PPARG: variants seen among roughly 807,000 people sequenced by gnomAD.
PPARG encodes peroxisome proliferator-activated receptor gamma.
PPARG carries 17 observed loss-of-function variants against 39.2 expected under a neutral mutation model. The observed-to-expected ratio is 0.43, with a 90% CI of 0.30 to 0.65. PPARG has a LOEUF of 0.65. PPARG is among the 30% of genes least tolerant of loss of function. The pLI, the probability that PPARG is intolerant of heterozygous loss-of-function variation, is 0.13. For missense variants in PPARG, 406 were observed against 585.9 expected (o/e 0.69, Z 3.17); for synonymous variants, 223 against 215.7 (o/e 1.03, Z -0.30).
chr3:12,418,824 G>A (rs2051164507), intron 7 of PPARG, among the ~76,000 whole-genome samples: 1 of 152,220 alleles, frequency 6.6e-6, no homozygotes, highest in South Asian at 2.1e-4. Context: ...TGCCTAGGGT[G>A]CAAATAGATC....
chr3:12,405,800 G>A, intron 5 of PPARG, 82 bp from the exon 6 acceptor site: 1 of 1,423,770 alleles, frequency 7.0e-7, no homozygotes, highest in Non-Finnish European at 9.8e-7. Context: ...TACTGTGTGG[G>A]AACGAGGGCT....
intron 7 of PPARG, among the ~76,000 whole-genome samples, chr3:12,425,853 A>C (rs971474750): frequency 6.6e-6 from 1 of 152,186 alleles, no homozygotes; most frequent in Admixed American, 6.5e-5. Flanking sequence ...TAGGGACCCA[A>C]GGGCTTTCCG....
At chr3:12,378,483 G>C (rs866370087) in intron 2 of PPARG, among the ~76,000 whole-genome samples, 1 of 152,008 alleles carries the variant, frequency 6.6e-6, no homozygotes, top group Non-Finnish European at 1.5e-5. Context: ...ATATTATTCA[G>C]CCTTAAAAAG....
At chr3:12,328,414 A>G in intron 2 of PPARG, 1 of 621,854 alleles carries the variant, frequency 1.6e-6, no homozygotes, top group South Asian at 1.9e-5. Flanking sequence ...CATTTTCTGC[A>G]TCACCCTGAG....
chr3:12,351,593 A>ATGGGTGAAACTC, intron 2 of PPARG: 1 of 1,601,692 alleles, frequency 6.2e-7, no homozygotes, highest in Non-Finnish European at 8.6e-7. Flanking sequence ...CCATGCTGTT[A>ATGGGTGAAACTC]TGGGTGAAAC....
At chr3:12,425,215 C>T (rs185456770) in intron 7 of PPARG, among the ~76,000 whole-genome samples, 121 of 152,282 alleles carry the variant, frequency 7.9e-4, no homozygotes, top group African/African-American at 2.8e-3. Flanking sequence ...CCGAAGGAGA[C>T]GGGGAATGGC....
At chr3:12,368,556 CTCTAGCCCCAAT>C (rs1440962954) in intron 2 of PPARG, among the ~76,000 whole-genome samples, 1 of 152,172 alleles carries the variant, frequency 6.6e-6, no homozygotes, top group Non-Finnish European at 1.5e-5. Flanking sequence ...AGAATTTAAA[CTCTAGCCCCAAT>C]ACCTATTTAA....
At chr3:12,392,999 G>A (rs1295802580) in intron 5 of PPARG, among the ~76,000 whole-genome samples, 3 of 152,146 alleles carry the variant, frequency 2.0e-5, no homozygotes, top group African/African-American at 7.2e-5. Flanking sequence ...GGGGGATTAT[G>A]GGAAAAACTT....
chr3:12,297,784 C>T (rs1204888286), intron 1 of PPARG: 1 of 152,016 alleles, frequency 6.6e-6, no homozygotes, highest in African/African-American at 2.4e-5. Flanking sequence ...GAGTTACTTT[C>T]TTTTAAAGCC....
chr3:12,360,575 A>C (rs1001967996), intron 2 of PPARG, among the ~76,000 whole-genome samples: 5 of 21,694 alleles, frequency 2.3e-4, no homozygotes, highest in African/African-American at 3.8e-4. Flanking sequence ...GCACCCAGAC[A>C]AAAAAAAAAA....
In PPARG at chr3:12,385,361, T is replaced by G. The variant is rs151139756; in HGVS notation, c.390+3870T>G. 3.3e-3 allele frequency among the ~76,000 whole-genome samples: 505 copies of G among 152,272 alleles called. 3 individuals carry two copies. The highest frequency in any genetic ancestry group is 0.011 in the African/African-American group (478 of 41,568). On this transcript the variant is annotated intron_variant, in intron 4 of 7. Transcript: ENST00000651735. ...GGAACAGGTTTATATTAGTGATTCT[T>G]GCCAAAAATTCAGTCAGACAGATGA...
At chr3:12,412,558 T>C (rs908787641) in intron 6 of PPARG, among the ~76,000 whole-genome samples, 1 of 152,190 alleles carries the variant, frequency 6.6e-6, no homozygotes, top group African/African-American at 2.4e-5. Flanking sequence ...CAGAAATCAT[T>C]TTGCTTTCCT....
chr3:12,328,868 T>A (rs554376130), intron 2 of PPARG, among the ~76,000 whole-genome samples: 144 of 152,360 alleles, frequency 9.5e-4, no homozygotes, highest in African/African-American at 3.2e-3. Context: ...TGGATGGCAG[T>A]CTGCCTAAAG....
At chr3:12,401,576 T>G (rs532410173) in intron 5 of PPARG, among the ~76,000 whole-genome samples, 1 of 151,082 alleles carries the variant, frequency 6.6e-6, no homozygotes, top group South Asian at 2.1e-4. Flanking sequence ...CTGGCTTTTT[T>G]CCCCCTTAAA....
In PPARG at chr3:12,295,638, C is replaced by T. The variant is rs7430836; in HGVS notation, c.-83+6504C>T. Among the ~76,000 whole-genome samples, 18 of 151,892 alleles carry T rather than the reference C, an allele frequency of 1.2e-4. No homozygotes were observed. The East Asian group carries it at 2.1e-3, about 18-fold the overall frequency. On this transcript the variant is annotated intron_variant, in intron 1 of 7. Transcript: ENST00000651735. ...AAGTGATTCTCCTGCCTCAGCCTCC[C>T]GAGTAGCTGGGATTACAGGCGCCCA...
chr3:12,359,674 C>CTTTTTTTTTTTTTTT lies in PPARG; in HGVS notation c.-8-20026_-8-20012dup, dbSNP rs71628752. On this transcript the variant is annotated intron_variant, in intron 2 of 7. Transcript: ENST00000651735. ...ACTTTTCCTACTTACTCTTTTATTT[C>CTTTTTTTTTTTTTTT]TTTTTTTTTTTTTTTTTTGAGACAG... Among the ~76,000 whole-genome samples the CTTTTTTTTTTTTTTT allele has an allele frequency of 4.5e-4, 58 of 129,822 alleles. 1 individual carries two copies. The highest frequency in any genetic ancestry group is 7.0e-4 in the Non-Finnish European group (43 of 61,342). 85.2% of individuals were successfully genotyped at this position (129,822 alleles called of 152,430 possible). A position where few individuals can be genotyped will look rare whatever the true frequency, so the allele number is the denominator to read the frequency against.
At chr3:12,413,021 A>G (rs779851674) in intron 6 of PPARG, among the ~76,000 whole-genome samples, 37 of 152,366 alleles carry the variant, frequency 2.4e-4, no homozygotes, top group Non-Finnish European at 4.6e-4. Flanking sequence ...GCTGATGGAA[A>G]GTGTAAGGAC....
intron 2 of PPARG, among the ~76,000 whole-genome samples, chr3:12,377,367 G>C (rs1052749192): frequency 6.6e-6 from 1 of 152,076 alleles, no homozygotes; most frequent in Non-Finnish European, 1.5e-5. Context: ...ACACTCTCGG[G>C]TGTGATCAAA....
chr3:12,341,510 T>C (rs2048183016), intron 2 of PPARG, among the ~76,000 whole-genome samples: 1 of 152,062 alleles, frequency 6.6e-6, no homozygotes, highest in African/African-American at 2.4e-5. Context: ...ATCTTCCTTA[T>C]AGAAAAATGC....
Sources: gnomAD v4.1 joint callset for allele counts (sites outside exome capture counted in the v4.1 genomes callset) on GRCh38, gnomAD v4.1.1 for gene constraint, MANE v1.5 for transcripts, NCBI Gene and HGNC (gene_info 2026-07-23, HGNC 2026-07-21) for gene names.